The following ZFP69 variants were observed in gnomAD, a reference collection of about 807,000 sequenced individuals.
ZFP69 encodes the protein zinc finger protein 69 homolog.
Under a neutral mutation model 48.9 loss-of-function variants are expected in ZFP69, and 35 were observed. That is an observed-to-expected ratio of 0.72 (90% CI 0.55 to 0.95). The LOEUF (loss-of-function observed/expected upper bound fraction) is 0.95. Ranked by LOEUF, ZFP69 falls within the 40% of genes least tolerant of loss-of-function variation. The pLI, the probability that ZFP69 is intolerant of heterozygous loss-of-function variation, is 0.00. For synonymous variants in ZFP69, 193 were observed against 216.8 expected (o/e 0.89, Z 0.96); for missense variants, 557 against 638.4 (o/e 0.87, Z 1.37).
In ZFP69 at chr1:40,495,544, G is replaced by C; in HGVS notation, c.1066G>C (p.Val356Leu). The C allele has an allele frequency of 6.2e-7, 1 of 1,614,182 alleles. No homozygotes were observed. The highest frequency in any genetic ancestry group is 8.5e-7 in the Non-Finnish European group (1 of 1,180,032). The change falls in exon 6 of 6, where the codon GTA becomes CTA. Residue 356 changes from valine (V) to leucine (L), a missense_variant. Physicochemically the swap from Val to Leu is conservative, Grantham distance 32 (BLOSUM62 1). Coordinates refer to ENST00000372706, the MANE Select transcript of ZFP69 (RefSeq NM_001320179.2). ...AACTCACACTGGGGAGAAACCCTAT[G>C]TATGTGATAAATGTCAGAAAGCTTT... is the stretch of plus-strand genomic sequence containing the variant. ...HRTHTGEKPYVCDKCQKAFSQ... is the reference protein window; with the variant it reads ...HRTHTGEKPYLCDKCQKAFSQ...
At chr1:40,489,337 C>T (rs536652187) in intron 4 of ZFP69, 123 bp downstream of exon 4, 39 of 1,333,242 alleles carry the variant, frequency 2.9e-5, no homozygotes, top group Non-Finnish European at 3.8e-5. Flanking sequence ...TGTCTTATTC[C>T]CTTTGAAAAC....
chr1:40,483,699 CTAGAAA>C (rs1300447604), intron 3 of ZFP69, among the ~76,000 whole-genome samples: 1 of 152,154 alleles, frequency 6.6e-6, no homozygotes, highest in Non-Finnish European at 1.5e-5. Context: ...TTCCATATTA[CTAGAAA>C]TAAAGCTGCA....
intron 5 of ZFP69, among the ~76,000 whole-genome samples, chr1:40,492,010 T>A (rs1645574734): frequency 1.3e-5 from 2 of 152,094 alleles, no homozygotes; most frequent in Admixed American, 1.3e-4. Flanking sequence ...TTTTATGCCT[T>A]ATTATTCTTT....
intron 3 of ZFP69, among the ~76,000 whole-genome samples, chr1:40,484,914 T>C (rs1645480517): frequency 9.7e-6 from 1 of 103,590 alleles, no homozygotes; most frequent in South Asian, 3.4e-4. Context: ...TTTTTTGATA[T>C]GGAGTTTCAC....
chr1:40,477,815 A>G lies in ZFP69; in HGVS notation c.-406A>G, dbSNP rs1258832111. 1 of 152,190 alleles carries G rather than the reference A, an allele frequency of 6.6e-6. No homozygotes were observed. Among genetic ancestry groups the G allele is most frequent in the African/African-American group, 2.4e-5 (1 of 41,388 alleles). The allele number at this position is 152,190 out of a possible 1,614,324, so 9.4% of individuals were successfully genotyped here. On this transcript the variant is annotated 5_prime_UTR_variant, in exon 1 of 6. Transcript: ENST00000372706. The surrounding 1 kb of genome is among the most constrained non-coding windows in gnomAD (Gnocchi z 4.0). ...CCACTCAGTCCGTCTCTAAAGAGAC[A>G]CTCTTTACCGCTGAAAACCTCAAGA... is the stretch of plus-strand genomic sequence containing the variant.
At chr1:40,485,549 C>A (rs904179078) in intron 3 of ZFP69, among the ~76,000 whole-genome samples, 2 of 151,946 alleles carry the variant, frequency 1.3e-5, no homozygotes, top group African/African-American at 4.8e-5. Flanking sequence ...TTCTTATTTG[C>A]CCTCATATTT....
At chr1:40,492,847 A>G (rs1198032961) in intron 5 of ZFP69, among the ~76,000 whole-genome samples, 1 of 152,128 alleles carries the variant, frequency 6.6e-6, no homozygotes, top group African/African-American at 2.4e-5. Flanking sequence ...TGAAAATCTT[A>G]TATTTTGTTG....
At chr1:40,479,940 C>T (rs1166590920) in intron 2 of ZFP69, among the ~76,000 whole-genome samples, 1 of 152,100 alleles carries the variant, frequency 6.6e-6, no homozygotes, top group Non-Finnish European at 1.5e-5. Flanking sequence ...TCTCATGTTA[C>T]CTTGAACTGT....
In ZFP69 at chr1:40,489,114, T is replaced by C. The variant is rs766720603; in HGVS notation, c.246T>C (p.Ser82=). The C allele has an allele frequency of 1.9e-6, 3 of 1,613,980 alleles. No homozygotes were observed. The highest frequency in any genetic ancestry group is 1.1e-5 in the South Asian group (1 of 91,082). ...AATTGTTGACTTTCAAGGACATATCTATTGACTTCACCCAGGAAGAGTGGG... is the reference window on the plus strand; with the variant it reads ...AATTGTTGACTTTCAAGGACATATCCATTGACTTCACCCAGGAAGAGTGGG... The part of the protein sequence containing the change: ...SQELLTFKDI[S]IDFTQEEWGQ... Residue 82 remains serine (S), a synonymous_variant, in exon 4 of 6, where the codon TCT becomes TCC. Transcript: ENST00000372706.
intron 3 of ZFP69, among the ~76,000 whole-genome samples, chr1:40,484,883 C>CTT (rs71060386): frequency 0.059 from 2,627 of 44,368 alleles, 834 homozygotes; most frequent in African/African-American, 0.081. Context: ...GCCTGGCCTG[C>CTT]TTTTTTTTTT....
intron 3 of ZFP69, 120 bp from the exon 4 acceptor site, chr1:40,488,968 C>G: frequency 8.1e-7 from 1 of 1,238,632 alleles, no homozygotes; most frequent in Non-Finnish European, 1.1e-6. Context: ...CAAACAGATC[C>G]AGAGAAGGCT....
intron 1 of ZFP69, among the ~76,000 whole-genome samples, chr1:40,478,765 G>A (rs1265877269): frequency 6.6e-6 from 1 of 152,102 alleles, no homozygotes; most frequent in Non-Finnish European, 1.5e-5. Context: ...GTGTCATAGA[G>A]CTTTTAAGTG....
rs866948202 is a variant in ZFP69, at chr1:40,481,671, G to A, written c.128-92G>A. The A allele has an allele frequency of 6.2e-6, 6 of 960,598 alleles. 1 individual carries two copies. The Middle Eastern group carries it at 1.5e-3, about 237-fold the overall frequency. 59.5% of individuals were successfully genotyped at this position (960,598 alleles called of 1,614,324 possible). A position where few individuals can be genotyped will look rare whatever the true frequency, so the allele number is the denominator to read the frequency against. The stretch of plus-strand genomic sequence containing the variant: ...GTGTCCCTCTTTGTGAACCTTTTTG[G>A]GGGAGGAGCCACATTGAGTGGGTCT... On this transcript the variant is annotated intron_variant, in intron 2 of 5. Transcript: ENST00000372706.
At chr1:40,482,707 A>G (rs894928714) in intron 3 of ZFP69, among the ~76,000 whole-genome samples, 2 of 152,228 alleles carry the variant, frequency 1.3e-5, no homozygotes, top group African/African-American at 4.8e-5. Flanking sequence ...CATTGGAGGC[A>G]TATATTATAT....
chr1:40,489,656 T>C (rs749733853), intron 5 of ZFP69, 32 bp downstream of exon 5: 36 of 1,519,590 alleles, frequency 2.4e-5, no homozygotes, highest in Non-Finnish European at 3.1e-5. Flanking sequence ...TGTTTTTGTG[T>C]TGCTATAAAG....
chr1:40,492,008 CTTA>C (rs1476749989), intron 5 of ZFP69, among the ~76,000 whole-genome samples: 1 of 151,708 alleles, frequency 6.6e-6, no homozygotes, highest in Non-Finnish European at 1.5e-5. Flanking sequence ...CCTTTTATGC[CTTA>C]TTATTCTTTT....
chr1:40,486,366 C>T (rs1039275147), intron 3 of ZFP69, among the ~76,000 whole-genome samples: 7 of 151,810 alleles, frequency 4.6e-5, no homozygotes, highest in African/African-American at 1.5e-4. Context: ...TGAGATTGCT[C>T]TTTCTCCCTC....
rs1280984591 is a variant in ZFP69 at position 40,489,081 on chromosome 1, G to A, written c.220-7G>A. On this transcript the variant is annotated splice_polypyrimidine_tract_variant and splice_region_variant and intron_variant, in intron 3 of 5. Transcript: ENST00000372706. The stretch of plus-strand genomic sequence containing the variant: ...CCGGCTAAAAATGAATGTATTTGAT[G>A]TTCTAGGAATTGTTGACTTTCAAGG... 2 of 1,613,508 alleles carry A rather than the reference G, an allele frequency of 1.2e-6. No homozygotes were observed. Among genetic ancestry groups the A allele is most frequent in the Non-Finnish European group, 1.7e-6 (2 of 1,179,936 alleles).
At chr1:40,483,541 T>C (rs746015414) in intron 3 of ZFP69, among the ~76,000 whole-genome samples, 18 of 152,138 alleles carry the variant, frequency 1.2e-4, no homozygotes, top group Non-Finnish European at 2.5e-4. Flanking sequence ...CTGTACACTT[T>C]CTTAGTGTAT....
Sources: gnomAD v4.1 joint callset for allele counts (sites outside exome capture counted in the v4.1 genomes callset) on GRCh38, gnomAD v4.1.1 for gene constraint, Gnocchi (gnomAD v3.1) non-coding constraint, MANE v1.5 for transcripts, NCBI Gene and HGNC (gene_info 2026-07-23, HGNC 2026-07-21) for gene names.